The following NLGN4X variants were observed in gnomAD, a reference collection of about 807,000 sequenced individuals.
The protein encoded by NLGN4X is neuroligin-4, X-linked.
In NLGN4X, 3 loss-of-function variants were observed where a neutral mutation model predicts 40.3. The ratio of observed to expected loss-of-function variants is 0.07; its 90% CI spans 0.03 to 0.19. The LOEUF (loss-of-function observed/expected upper bound fraction) is 0.19. Among genes scored for constraint, NLGN4X ranks in the 10% least tolerant of loss-of-function variants. The pLI, the probability that NLGN4X is intolerant of heterozygous loss-of-function variation, is 1.00. For missense variants in NLGN4X, 382 were observed against 708.3 expected (o/e 0.54, Z 5.23); for synonymous variants, 270 against 306.8 (o/e 0.88, Z 1.25).
chrX:6,037,605 T>C (rs1194675119), intron 2 of NLGN4X, among the ~76,000 whole-genome samples: 1 of 111,586 alleles, frequency 9.0e-6, no homozygotes, highest in Non-Finnish European at 1.9e-5. Flanking sequence ...AGATATCATA[T>C]TGAACTGTAT....
At chrX:5,908,882 G>C (rs1290513954) in intron 4 of NLGN4X, among the ~76,000 whole-genome samples, 172 bp downstream of exon 4, 1 of 112,222 alleles carries the variant, frequency 8.9e-6, no homozygotes, top group Non-Finnish European at 1.9e-5. Flanking sequence ...CAGAGCAAAT[G>C]GAACAAAAGC....
chrX:5,960,843 C>T (rs184466924), intron 3 of NLGN4X, among the ~76,000 whole-genome samples: 3 of 111,130 alleles, frequency 2.7e-5, no homozygotes, highest in East Asian at 2.8e-4. Context: ...ATTTTTAGGG[C>T]AAGGTTCTAG....
At chrX:5,967,217 T>C (rs2034859823) in intron 3 of NLGN4X, among the ~76,000 whole-genome samples, 1 of 112,061 alleles carries the variant, frequency 8.9e-6, no homozygotes, top group South Asian at 3.7e-4. Context: ...CTTGTGCCTC[T>C]ATCCATGACA....
At chrX:5,936,666 A>T in intron 3 of NLGN4X, among the ~76,000 whole-genome samples, 1 of 112,175 alleles carries the variant, frequency 8.9e-6, no homozygotes, top group Non-Finnish European at 1.9e-5. Context: ...AATTACTCAA[A>T]TTGCACGCAC....
At chrX:6,177,562 C>T (rs960586126) in intron 1 of NLGN4X, among the ~76,000 whole-genome samples, 1 of 112,128 alleles carries the variant, frequency 8.9e-6, no homozygotes, top group African/African-American at 3.2e-5. Flanking sequence ...TAATTGTACT[C>T]ATTTGTCAAA....
chrX:6,169,531 G>A (rs1199875719), intron 1 of NLGN4X, among the ~76,000 whole-genome samples: 3 of 113,000 alleles, frequency 2.7e-5, no homozygotes, highest in Non-Finnish European at 3.7e-5. Context: ...CCTTGACCAC[G>A]GAACGAATTT....
At chrX:6,215,456 G>A (rs1924991553) in intron 1 of NLGN4X, among the ~76,000 whole-genome samples, 2 of 109,546 alleles carry the variant, frequency 1.8e-5, no homozygotes, top group Non-Finnish European at 3.8e-5. Context: ...GACTGAGGCA[G>A]GAGAAACACT....
At chrX:6,193,397 A>C (rs1225089968) in intron 1 of NLGN4X, among the ~76,000 whole-genome samples, 1 of 70,845 alleles carries the variant, frequency 1.4e-5, no homozygotes, top group Non-Finnish European at 2.5e-5. Flanking sequence ...CGACAGAACG[A>C]GACTCCGTCT....
chrX:6,014,075 G>C (rs946453166), intron 3 of NLGN4X, among the ~76,000 whole-genome samples: 12 of 108,795 alleles, frequency 1.1e-4, no homozygotes, highest in African/African-American at 3.7e-4. Context: ...CCAGCTACTC[G>C]GGAGGCTGAG....
Position 6,074,385 on chromosome X carries a change from T to C in NLGN4X, c.473-44953A>G, listed in dbSNP as rs144596856. 3.8e-3 allele frequency among the ~76,000 whole-genome samples: 426 copies of C among 111,680 alleles called. 2 individuals carry two copies. The highest frequency in any genetic ancestry group is 9.2e-3 in the Middle Eastern group (2 of 218). The stretch of plus-strand genomic sequence containing the variant: ...CCGGGAAGCCTGAGGTGGGGTGGTA[T>C]TACCACTAGGTTCTTTCAGGTCTTT... On this transcript the variant is annotated intron_variant, in intron 2 of 5. Coordinates refer to ENST00000381095, the MANE Select transcript of NLGN4X (RefSeq NM_181332.3).
chrX:6,013,081 A>G lies in NLGN4X; in HGVS notation c.625+16199T>C, dbSNP rs748200702. Among the ~76,000 whole-genome samples, 5 of 111,710 alleles carry G rather than the reference A, an allele frequency of 4.5e-5. No homozygotes were observed. In the East Asian group the frequency reaches 1.4e-3, roughly 31 times the overall value. On this transcript the variant is annotated intron_variant, in intron 3 of 5. Coordinates refer to ENST00000381095, the MANE Select transcript of NLGN4X (RefSeq NM_181332.3). ...TTTAAAATACCCATGGAAAGACCTA[A>G]AGAAAAAAAAATTCTACCGTAGAGC...
chrX:6,172,960 G>A (rs751852333), intron 1 of NLGN4X, among the ~76,000 whole-genome samples: 2 of 112,341 alleles, frequency 1.8e-5, no homozygotes, highest in East Asian at 5.6e-4. Flanking sequence ...AGTATGCAGA[G>A]TGTAGACAAT....
intron 1 of NLGN4X, among the ~76,000 whole-genome samples, chrX:6,160,678 T>A (rs1050566076): frequency 1.3e-4 from 14 of 108,709 alleles, no homozygotes; most frequent in Non-Finnish European, 3.8e-5. Context: ...TATGCCCCCA[T>A]GCCCAGCTAA....
chrX:5,996,308 A>G (rs1358781765), intron 3 of NLGN4X, among the ~76,000 whole-genome samples: 2 of 112,235 alleles, frequency 1.8e-5, no homozygotes, highest in Non-Finnish European at 3.8e-5. Context: ...TCCGACTTTG[A>G]TATGTGGGAT....
At chrX:6,045,353 T>C (rs1405889247) in intron 2 of NLGN4X, among the ~76,000 whole-genome samples, 6 of 112,220 alleles carry the variant, frequency 5.3e-5, no homozygotes. Context: ...AAGTTCTTCA[T>C]CCAAAACGCA....
intron 2 of NLGN4X, among the ~76,000 whole-genome samples, chrX:6,051,951 C>T (rs186147981): frequency 9.9e-5 from 11 of 110,598 alleles, no homozygotes; most frequent in South Asian, 4.0e-4. Context: ...TTTTATTAGC[C>T]GACTGGAAGT....
chrX:5,972,625 A>T (rs957243028), intron 3 of NLGN4X, among the ~76,000 whole-genome samples: 11 of 111,582 alleles, frequency 9.9e-5, no homozygotes, highest in Non-Finnish European at 1.9e-4. Flanking sequence ...TTCATACAGA[A>T]GTTAGTCTAT....
intron 1 of NLGN4X, among the ~76,000 whole-genome samples, chrX:6,181,208 C>T (rs976569221): frequency 1.8e-5 from 2 of 111,017 alleles, no homozygotes; most frequent in Non-Finnish European, 3.8e-5. Flanking sequence ...TAAATTTGAG[C>T]GGTGGTACAA....
intron 3 of NLGN4X, among the ~76,000 whole-genome samples, chrX:5,949,556 T>A (rs1430720841): frequency 8.9e-6 from 1 of 112,059 alleles, no homozygotes; most frequent in East Asian, 2.8e-4. Context: ...AATCAAGTTA[T>A]CATTTGTGTT....
Sources: allele counts gnomAD v4.1 joint callset (sites outside exome capture counted in the v4.1 genomes callset), GRCh38; gene constraint gnomAD v4.1.1; transcripts MANE v1.5; gene names NCBI Gene and HGNC (gene_info 2026-07-23, HGNC 2026-07-21).